NRG3: variants seen among roughly 807,000 people sequenced by gnomAD.
The protein encoded by NRG3 is pro-neuregulin-3, membrane-bound isoform.
In NRG3, 31 loss-of-function variants were observed where a neutral mutation model predicts 66.9. The ratio of observed to expected loss-of-function variants is 0.46; its 90% CI spans 0.35 to 0.63. The LOEUF is 0.63. NRG3 is among the 20% of genes least tolerant of loss of function. NRG3 has a pLI of 0.00. For synonymous variants in NRG3, 393 were observed against 359.4 expected, an observed-to-expected ratio of 1.09 and a Z score of -1.06; for missense variants, 910 against 878.9, an observed-to-expected ratio of 1.04 and a Z score of -0.45.
chr10:82,549,500 G>C (rs2044161367), intron 2 of NRG3, among the ~76,000 whole-genome samples: 1 of 152,116 alleles, frequency 6.6e-6, no homozygotes, highest in South Asian at 2.1e-4. Flanking sequence ...GAAAATGCCA[G>C]CAGATTGATT....
intron 2 of NRG3, among the ~76,000 whole-genome samples, chr10:82,404,221 C>T (rs913590787): frequency 6.6e-6 from 1 of 152,090 alleles, no homozygotes; most frequent in African/African-American, 2.4e-5. Flanking sequence ...ATTCACAAAC[C>T]TGTGTAAGAC....
chr10:82,480,602 A>T (rs1842190609), intron 2 of NRG3, among the ~76,000 whole-genome samples: 1 of 152,148 alleles, frequency 6.6e-6, no homozygotes, highest in South Asian at 2.1e-4. Flanking sequence ...TACATTACAT[A>T]TTGGCATCTA....
intron 3 of NRG3, among the ~76,000 whole-genome samples, chr10:82,841,430 A>C (rs1591688429): frequency 6.6e-6 from 1 of 152,176 alleles, no homozygotes; most frequent in Admixed American, 6.5e-5. Flanking sequence ...TAGTATACTG[A>C]TCTACATTAT....
chr10:82,027,329 T>C (rs1387353659), intron 1 of NRG3, among the ~76,000 whole-genome samples: 1 of 152,122 alleles, frequency 6.6e-6, no homozygotes, highest in Non-Finnish European at 1.5e-5. Flanking sequence ...AGCCTTTTGG[T>C]GGTAAGTGAA....
chr10:82,492,221 T>C (rs1843209682), intron 2 of NRG3, among the ~76,000 whole-genome samples: 1 of 152,234 alleles, frequency 6.6e-6, no homozygotes, highest in South Asian at 2.1e-4. Flanking sequence ...GGATCATCCA[T>C]TCTTTCCAGA....
At chr10:82,638,793 C>T (rs568918994) in intron 2 of NRG3, among the ~76,000 whole-genome samples, 4 of 152,168 alleles carry the variant, frequency 2.6e-5, no homozygotes, top group East Asian at 1.9e-4. Context: ...ACTACAGGCA[C>T]GTGCCACCAT....
At chr10:81,975,560 A>ATTAT (rs1174172958) in intron 1 of NRG3, among the ~76,000 whole-genome samples, 40 of 152,132 alleles carry the variant, frequency 2.6e-4, no homozygotes, top group African/African-American at 8.0e-4. Context: ...AAGGCAGGCC[A>ATTAT]CAAATTAAAG....
At chr10:82,285,741 T>C (rs984302433) in intron 1 of NRG3, among the ~76,000 whole-genome samples, 2 of 152,184 alleles carry the variant, frequency 1.3e-5, no homozygotes, top group Non-Finnish European at 2.9e-5. Context: ...TGCTTTCTGT[T>C]CAAAGCACTT....
At chr10:81,902,884 T>G (rs1844212876) in intron 1 of NRG3, among the ~76,000 whole-genome samples, 1 of 152,166 alleles carries the variant, frequency 6.6e-6, no homozygotes, top group South Asian at 2.1e-4. Flanking sequence ...ATAGTAAAAT[T>G]GACAACTAAC....
intron 3 of NRG3, among the ~76,000 whole-genome samples, chr10:82,761,944 CTTTCTTTCTTTCTTTCTTTCTTTCTTTCT>C: frequency 7.7e-6 from 1 of 129,846 alleles, no homozygotes; most frequent in South Asian, 2.5e-4. Flanking sequence ...TTCTTTCTTT[CTTTCTTTCTTTCTTTCTTTCTTTCTTTCT>C]TTTCTTTCTT....
chr10:82,636,360 ATTC>A (rs1233625145), intron 2 of NRG3, among the ~76,000 whole-genome samples: 1 of 152,090 alleles, frequency 6.6e-6, no homozygotes, highest in Non-Finnish European at 1.5e-5. Flanking sequence ...TCTAAATACC[ATTC>A]TTCTCCAAAA....
intron 3 of NRG3, among the ~76,000 whole-genome samples, chr10:82,742,905 A>G (rs879607934): frequency 2.0e-5 from 3 of 152,010 alleles, no homozygotes; most frequent in Non-Finnish European, 4.4e-5. Flanking sequence ...GTTTTTCTCC[A>G]TCTCCCCTCT....
rs530569586 is a variant in NRG3 at position 82,685,930 on chromosome 10, A to T, written c.954-52647A>T. Among the ~76,000 whole-genome samples, 21 of 152,298 alleles carry T rather than the reference A, an allele frequency of 1.4e-4. No homozygotes were observed. The East Asian group carries it at 3.5e-3, about 25-fold the overall frequency. On this transcript the variant is annotated intron_variant, in intron 2 of 8. Coordinates refer to ENST00000372141, the MANE Select transcript of NRG3 (RefSeq NM_001010848.4). ...TTGTTCCACTAGAGGGTCTTCAGGG[A>T]CAATAACACACATGGAGCTGTCATC...
chr10:82,533,136 C>A (rs971421320), intron 2 of NRG3, among the ~76,000 whole-genome samples: 12 of 149,594 alleles, frequency 8.0e-5, no homozygotes, highest in Admixed American at 5.3e-4. Flanking sequence ...TTAGCTCATT[C>A]CTGAGTTGGC....
At chr10:82,982,588 C>G (rs1020385629) in intron 8 of NRG3, among the ~76,000 whole-genome samples, 1 of 152,156 alleles carries the variant, frequency 6.6e-6, no homozygotes, top group African/African-American at 2.4e-5. Context: ...GCCACTGTGT[C>G]TCTGGTAGAA....
chr10:82,786,671 T>G (rs1419700936), intron 3 of NRG3, among the ~76,000 whole-genome samples: 1 of 152,150 alleles, frequency 6.6e-6, no homozygotes, highest in African/African-American at 2.4e-5. Context: ...AAAGAATTTA[T>G]TTTGTGTGTG....
At chr10:82,418,336 A>G (rs376686049) in intron 2 of NRG3, among the ~76,000 whole-genome samples, 1 of 152,366 alleles carries the variant, frequency 6.6e-6, no homozygotes, top group East Asian at 1.9e-4. Context: ...CTCAGTGTAA[A>G]TGTGGAAAAG....
intron 3 of NRG3, among the ~76,000 whole-genome samples, chr10:82,779,544 T>C (rs138502783): frequency 1.3e-5 from 2 of 152,288 alleles, no homozygotes; most frequent in Middle Eastern, 3.4e-3. Context: ...TGAGACATCT[T>C]GATGATGTCT....
At chr10:82,033,334 AC>A (rs544970208) in intron 1 of NRG3, among the ~76,000 whole-genome samples, 2 of 152,140 alleles carry the variant, frequency 1.3e-5, no homozygotes, top group African/African-American at 2.4e-5. Flanking sequence ...CCCCTACAGT[AC>A]ATTGTTCCCT....
Sources: allele counts gnomAD v4.1 joint callset (sites outside exome capture counted in the v4.1 genomes callset), GRCh38; gene constraint gnomAD v4.1.1; transcripts MANE v1.5; gene names NCBI Gene and HGNC (gene_info 2026-07-23, HGNC 2026-07-21).